Variants in ACAT1 observed in about 807,000 individuals in gnomAD.
The protein encoded by ACAT1 is acetyl-CoA acetyltransferase, mitochondrial.
A neutral mutation model predicts 47.3 loss-of-function variants in ACAT1; 28 were observed. That is an observed-to-expected ratio of 0.59 (90% CI 0.44 to 0.81). The LOEUF is 0.81. ACAT1 is among the 30% of genes least tolerant of loss of function. The pLI is 0.00. For missense variants in ACAT1, 469 were observed against 524.3 expected, an observed-to-expected ratio of 0.89 and a Z score of 1.03; for synonymous variants, 181 against 173.6, an observed-to-expected ratio of 1.04 and a Z score of -0.34.
chr11:108,139,232 C>A, intron 6 of ACAT1, 191 bp downstream of exon 6: 1 of 688,474 alleles, frequency 1.5e-6, no homozygotes, highest in Non-Finnish European at 2.4e-6. Flanking sequence ...AATTTTCCCA[C>A]ATTTAAATAG....
chr11:108,117,247 A>G (rs1320126477), upstream of ACAT1, among the ~76,000 whole-genome samples: 1 of 151,618 alleles, frequency 6.6e-6, no homozygotes, highest in Admixed American at 6.6e-5. Context: ...AGGAGGCTGC[A>G]GTGAGTTATG....
Position 108,121,602 on chromosome 11 carries a change from C to T in ACAT1, c.-5C>T, listed in dbSNP as rs747790910. 7.5e-5 allele frequency: 116 copies of T among 1,550,434 alleles called. No individual in the cohort carries two copies. Among genetic ancestry groups the T allele is most frequent in the Non-Finnish European group, 9.1e-5 (104 of 1,147,156 alleles). On this transcript the variant is annotated 5_prime_UTR_variant, in exon 1 of 12. Transcript: ENST00000265838. ...TGTGGAGCCGATACTCAGCCCTCTG[C>T]GACCATGGCTGTGCTGGCGGCACTT...
chr11:108,139,256 G>A, intron 6 of ACAT1: 2 of 571,676 alleles, frequency 3.5e-6, no homozygotes, highest in Admixed American at 2.9e-5. Flanking sequence ...AATTTCTGAC[G>A]CTTAGCTGGC....
upstream of ACAT1, chr11:108,121,430 G>A (rs1293656678): frequency 4.3e-6 from 3 of 701,926 alleles, no homozygotes; most frequent in African/African-American, 3.5e-5. Context: ...CCAGGCTGCG[G>A]TGTCCCAGCG....
upstream of ACAT1, among the ~76,000 whole-genome samples, chr11:108,120,298 A>T (rs999917951): frequency 6.6e-6 from 1 of 152,120 alleles, no homozygotes; most frequent in African/African-American, 2.4e-5. Flanking sequence ...GGAGTTTGAG[A>T]CCAGCCTGGG....
upstream of ACAT1, among the ~76,000 whole-genome samples, chr11:108,118,742 T>C (rs542432269): frequency 6.6e-6 from 1 of 152,364 alleles, no homozygotes; most frequent in African/African-American, 2.4e-5. Context: ...AAAGCTACTC[T>C]TATTTTTTTG....
At chr11:108,116,751 T>C (rs1483653447), upstream of ACAT1, among the ~76,000 whole-genome samples, 1 of 151,716 alleles carries the variant, frequency 6.6e-6, no homozygotes, top group Non-Finnish European at 1.5e-5. Context: ...AAGACAGGGG[T>C]TGGACTGATG....
intron 1 of ACAT1, among the ~76,000 whole-genome samples, chr11:108,129,526 G>A (rs1350810593): frequency 1.3e-5 from 2 of 151,926 alleles, no homozygotes; most frequent in African/African-American, 2.4e-5. Flanking sequence ...GTGCCACCAC[G>A]TCCAGCTAAT....
At chr11:108,116,831 A>G (rs1591347217), upstream of ACAT1, among the ~76,000 whole-genome samples, 1 of 151,764 alleles carries the variant, frequency 6.6e-6, no homozygotes, top group Non-Finnish European at 1.5e-5. Flanking sequence ...CATGGAACAG[A>G]CTCTCCGTTA....
At chr11:108,135,099 G>T (rs1370198187) in intron 4 of ACAT1, 43 bp from the exon 5 acceptor site, 2 of 1,396,940 alleles carry the variant, frequency 1.4e-6, no homozygotes, top group South Asian at 1.2e-5. Context: ...CTGCAGTTGT[G>T]TTTGAGTATC....
chr11:108,143,276 T>G (rs904030334), intron 9 of ACAT1: 1 of 152,214 alleles, frequency 6.6e-6, no homozygotes, highest in Non-Finnish European at 1.5e-5. Context: ...AGATCTTGTC[T>G]CTTTTTCTTT....
upstream of ACAT1, among the ~76,000 whole-genome samples, chr11:108,118,470 G>A (rs1330879171): frequency 6.6e-6 from 1 of 152,054 alleles, no homozygotes; most frequent in Admixed American, 6.5e-5. Context: ...CGCTTCCTGG[G>A]TTCACGCCAC....
chr11:108,147,580 CT>C lies in ACAT1; in HGVS notation c.*196del. 1.3e-6 allele frequency: 1 copy of C among 772,744 alleles called. No homozygotes were observed. The highest frequency in any genetic ancestry group is 1.9e-6 in the Non-Finnish European group (1 of 520,134). 47.9% of individuals were successfully genotyped at this position (772,744 alleles called of 1,614,324 possible). On this transcript the variant is annotated 3_prime_UTR_variant, in exon 12 of 12. Transcript: ENST00000265838. ...AATTAAAAATAAATTTCTTCTTCTG[CT>C]TTTTTCTTGGTAACCTTGAAAAGTT...
At chr11:108,140,002 A>C in intron 6 of ACAT1, 63 bp from the exon 7 acceptor site, 1 of 1,543,360 alleles carries the variant, frequency 6.5e-7, no homozygotes, top group Non-Finnish European at 8.8e-7. Context: ...AAGTTAGGCA[A>C]AGTTAATAGA....
chr11:108,135,019 G>T, intron 4 of ACAT1, 123 bp from the exon 5 acceptor site: 4 of 640,096 alleles, frequency 6.2e-6, no homozygotes, highest in East Asian at 3.0e-5. Context: ...AATATTAAAT[G>T]CATGATATAA....
chr11:108,139,238 A>T (rs901013639), intron 6 of ACAT1, 197 bp downstream of exon 6: 7 of 655,540 alleles, frequency 1.1e-5, no homozygotes, highest in Non-Finnish European at 1.8e-5. Context: ...CCCACATTTA[A>T]ATAGGGTAAT....
rs58937624 is a variant in ACAT1, at chr11:108,144,257, T to G, written c.1005+210T>G. The G allele has an allele frequency of 2.4e-3, 1,394 of 590,344 alleles. 8 individuals carry two copies. The highest frequency in any genetic ancestry group is 0.015 in the African/African-American group (801 of 53,528). The allele number at this position is 590,344 out of a possible 1,614,324, so 36.6% of individuals were successfully genotyped here. A position where few individuals can be genotyped will look rare whatever the true frequency, so the allele number is the denominator to read the frequency against. On this transcript the variant is annotated intron_variant, in intron 10 of 11. Transcript: ENST00000265838. ...TAAAGAACAGCTCACAAACTACATC[T>G]TCAGTAGAACAGGTAAAACTACACA... is the stretch of plus-strand genomic sequence containing the variant.
intron 6 of ACAT1, among the ~76,000 whole-genome samples, chr11:108,139,507 G>C (rs2134757822): frequency 6.6e-6 from 1 of 151,904 alleles, no homozygotes; most frequent in East Asian, 2.0e-4. Context: ...CAGGAGAATT[G>C]CTTGAACCCG....
At chr11:108,134,793 A>C (rs1372989101) in intron 4 of ACAT1, among the ~76,000 whole-genome samples, 4 of 150,364 alleles carry the variant, frequency 2.7e-5, no homozygotes, top group Non-Finnish European at 5.9e-5. Flanking sequence ...AAAATACAAA[A>C]AATTAGTTGG....
Sources: gnomAD v4.1 joint callset for allele counts (sites outside exome capture counted in the v4.1 genomes callset) on GRCh38, gnomAD v4.1.1 for gene constraint, MANE v1.5 for transcripts, NCBI Gene and HGNC (gene_info 2026-07-23, HGNC 2026-07-21) for gene names.